The following SNRNP70 variants were observed in gnomAD, a reference collection of about 807,000 sequenced individuals.
SNRNP70 encodes the protein small nuclear ribonucleoprotein U1 subunit 70, also known as U1 small nuclear ribonucleoprotein 70 kDa.
A neutral mutation model predicts 50.5 loss-of-function variants in SNRNP70; 8 were observed. That is an observed-to-expected ratio of 0.16 (90% CI 0.09 to 0.29). The LOEUF is 0.29. Ranked by LOEUF, SNRNP70 falls within the 10% of genes least tolerant of loss-of-function variation. SNRNP70 has a pLI of 1.00. For missense variants in SNRNP70, 529 were observed against 663.5 expected, an observed-to-expected ratio of 0.80 and a Z score of 2.23; for synonymous variants, 320 against 252.9, an observed-to-expected ratio of 1.27 and a Z score of -2.52.
chr19:49,101,586 C>T (rs2040587171), intron 7 of SNRNP70, 115 bp downstream of exon 7: 1 of 708,486 alleles, frequency 1.4e-6, no homozygotes, highest in African/African-American at 1.8e-5. Flanking sequence ...AGCGATGTCT[C>T]TTCTCCTCCT....
chr19:49,098,658 A>C lies in SNRNP70; in HGVS notation c.347A>C (p.Glu116Ala). The C allele has an allele frequency of 6.2e-7, 1 of 1,614,080 alleles. No individual in the cohort carries two copies. The highest frequency in any genetic ancestry group is 8.5e-7 in the Non-Finnish European group (1 of 1,179,942). Residue 116 changes from glutamate to alanine, a missense_variant, in exon 6 of 10, where the codon GAA (glutamate) becomes GCA (alanine). Physicochemically the swap from Glu to Ala is moderately radical, Grantham distance 107. Coordinates refer to ENST00000598441, the MANE Select transcript of SNRNP70 (RefSeq NM_003089.6). ...FVARVNYDTT[E>A]SKLRREFEVY... ...TCCTTGTAGAATTATGACACAACAG[A>C]ATCCAAGCTCCGGAGAGAGTTTGAG...
At position 49,098,091 on chromosome 19, in the gene SNRNP70, C is replaced by A. The variant is rs188761397; in HGVS notation, c.266-336C>A. Among the ~76,000 whole-genome samples, 8 of 152,328 alleles carry A rather than the reference C, an allele frequency of 5.3e-5. No individual in the cohort carries two copies. The East Asian group carries it at 1.5e-3, about 29-fold the overall frequency. On this transcript the variant is annotated intron_variant, in intron 4 of 9. Transcript: ENST00000598441. The stretch of plus-strand genomic sequence containing the variant: ...CCAGTTGGGCTATTACTGTTTGGAT[C>A]ACCTTGCATCTGGGAGCGATAGGGC...
intron 2 of SNRNP70, 43 bp downstream of exon 2, chr19:49,086,604 A>G: frequency 6.3e-7 from 1 of 1,594,740 alleles, no homozygotes. Context: ...GGTTCTGGGG[A>G]GCAACGGGTT....
Position 49,103,321 on chromosome 19 carries a change from G to A in SNRNP70, c.476-1313G>A, listed in dbSNP as rs114921285. The A allele has an allele frequency of 2.9e-3, 443 of 152,574 alleles. 1 individual carries two copies. Among genetic ancestry groups the A allele is most frequent in the African/African-American group, 9.9e-3 (411 of 41,454 alleles). The allele number at this position is 152,574 out of a possible 1,614,324, so 9.5% of individuals were successfully genotyped here. On this transcript the variant is annotated intron_variant, in intron 7 of 9. Coordinates refer to ENST00000598441, the MANE Select transcript of SNRNP70 (RefSeq NM_003089.6). ...TTGAGATTTCTTTGGGGTCTACCAC[G>A]TCCTCTGCCTGTCTCCAGGTGGTAC... is the stretch of plus-strand genomic sequence containing the variant.
At chr19:49,089,942 C>T (rs1276834170) in intron 2 of SNRNP70, among the ~76,000 whole-genome samples, 7 of 151,972 alleles carry the variant, frequency 4.6e-5, no homozygotes, top group East Asian at 1.9e-4. Context: ...GGATTACAGG[C>T]GTGTGCACTG....
chr19:49,091,248 A>T (rs1259585293), intron 4 of SNRNP70, among the ~76,000 whole-genome samples: 1 of 151,918 alleles, frequency 6.6e-6, no homozygotes, highest in Non-Finnish European at 1.5e-5. Flanking sequence ...GAGCGTCTGT[A>T]ATCCCAGCTA....
At chr19:49,096,753 A>G (rs549400816) in intron 4 of SNRNP70, among the ~76,000 whole-genome samples, 2 of 151,806 alleles carry the variant, frequency 1.3e-5, no homozygotes, top group South Asian at 2.1e-4. Context: ...TTGGGCAACA[A>G]GAGTGACACT....
At chr19:49,094,838 TAAAG>T (rs2040492772) in intron 4 of SNRNP70, among the ~76,000 whole-genome samples, 1 of 152,180 alleles carries the variant, frequency 6.6e-6, no homozygotes, top group South Asian at 2.1e-4. Context: ...ATTTTTAAGA[TAAAG>T]AAATGGAGGC....
In SNRNP70 at chr19:49,107,597, C is replaced by T; in HGVS notation, c.578-28C>T. 1 of 1,607,774 alleles carries T rather than the reference C, an allele frequency of 6.2e-7. No homozygotes were observed. Among genetic ancestry groups the T allele is most frequent in the Non-Finnish European group, 8.5e-7 (1 of 1,174,274 alleles). ...TCCGGGCCCTGTCCCTGCCCAGATT[C>T]ACCCTCTGTCCGTCTGCCCTGCCCC... On this transcript the variant is annotated intron_variant, in intron 8 of 9. Coordinates refer to ENST00000598441, the MANE Select transcript of SNRNP70 (RefSeq NM_003089.6). This position sits in a 1 kb window ranked among gnomAD's most constrained non-coding sequence, Gnocchi z 6.0.
chr19:49,108,187 A>T lies in SNRNP70; in HGVS notation c.1058A>T (p.Glu353Val), dbSNP rs2122420662. The T allele has an allele frequency of 1.3e-6, 2 of 1,535,334 alleles. No individual in the cohort carries two copies. The highest frequency in any genetic ancestry group is 8.8e-7 in the Non-Finnish European group (1 of 1,140,074). The change falls in exon 10 of 10, where the codon GAG (glutamate) becomes GTG (valine). Residue 353 changes from glutamate to valine, a missense_variant. By Grantham distance (121) the Glu-to-Val change is moderately radical. Coordinates refer to ENST00000598441, the MANE Select transcript of SNRNP70 (RefSeq NM_003089.6). Reference protein sequence around the residue: ...PEEKGRDRDRERRRSHRSERE... With the variant: ...PEEKGRDRDRVRRRSHRSERE... ...GAAAAGGGCCGGGATCGTGACCGGG[A>T]GCGACGGCGGAGCCACCGGAGCGAG... is the stretch of plus-strand genomic sequence containing the variant.
At chr19:49,086,006 A>G (rs563096828) in intron 1 of SNRNP70, among the ~76,000 whole-genome samples, 1 of 151,768 alleles carries the variant, frequency 6.6e-6, no homozygotes, top group South Asian at 2.1e-4. Flanking sequence ...GAAACTTCCG[A>G]TCCCCAGGAC....
At chr19:49,100,806 CAAAAAA>C (rs61621289) in intron 6 of SNRNP70, among the ~76,000 whole-genome samples, 2 of 112,390 alleles carry the variant, frequency 1.8e-5, no homozygotes, top group Non-Finnish European at 3.6e-5. Flanking sequence ...ACTCTGTCTC[CAAAAAA>C]AAAAAAAAAA....
chr19:49,092,969 G>A (rs192753109), intron 4 of SNRNP70, among the ~76,000 whole-genome samples: 2 of 149,652 alleles, frequency 1.3e-5, no homozygotes, highest in African/African-American at 4.9e-5. Context: ...AGGCTTTACT[G>A]CCGTGGTGCA....
intron 2 of SNRNP70, among the ~76,000 whole-genome samples, chr19:49,089,522 G>A (rs2040422424): frequency 1.3e-5 from 2 of 151,966 alleles, no homozygotes; most frequent in Admixed American, 1.3e-4. Context: ...TTTGTATTAA[G>A]AGTCAGTGGA....
rs113044321 is a variant in SNRNP70, at chr19:49,092,937, A to G, written c.265+2417A>G. ...GTTGTGTTTTGTTTTGTTCTTAGGGACAGGGTCGTGCTGTGTTGCCCAGGC... is the reference window on the plus strand; with the variant it reads ...GTTGTGTTTTGTTTTGTTCTTAGGGGCAGGGTCGTGCTGTGTTGCCCAGGC... On this transcript the variant is annotated intron_variant, in intron 4 of 9. Coordinates refer to ENST00000598441, the MANE Select transcript of SNRNP70 (RefSeq NM_003089.6). Among the ~76,000 whole-genome samples, 195 of 136,074 alleles carry G rather than the reference A, an allele frequency of 1.4e-3. 4 individuals carry two copies. Among genetic ancestry groups the G allele is most frequent in the African/African-American group, 4.6e-3 (180 of 39,278 alleles). The allele number at this position is 136,074 out of a possible 152,430, so 89.3% of individuals were successfully genotyped here.
chr19:49,088,576 A>C (rs1169339544), intron 2 of SNRNP70, among the ~76,000 whole-genome samples: 3 of 144,720 alleles, frequency 2.1e-5, no homozygotes, highest in Non-Finnish European at 3.0e-5. Context: ...GGCTCACTGC[A>C]ACTTCCACCT....
chr19:49,095,660 C>G (rs561803877), intron 4 of SNRNP70, among the ~76,000 whole-genome samples: 3 of 151,386 alleles, frequency 2.0e-5, no homozygotes, highest in African/African-American at 7.3e-5. Context: ...GTCTTAGTCT[C>G]CTGAGTAGCT....
chr19:49,088,139 C>T (rs899082948), intron 2 of SNRNP70, among the ~76,000 whole-genome samples: 1 of 151,460 alleles, frequency 6.6e-6, no homozygotes, highest in African/African-American at 2.4e-5. Context: ...GATCCACCCC[C>T]CTTGGCCTCC....
intron 2 of SNRNP70, among the ~76,000 whole-genome samples, chr19:49,089,754 C>G (rs533268120): frequency 9.4e-5 from 14 of 148,612 alleles, no homozygotes; most frequent in Non-Finnish European, 1.8e-4. Context: ...CCTCCGCCTC[C>G]TGGGTTCATG....
Sources: gnomAD v4.1 joint callset for allele counts (sites outside exome capture counted in the v4.1 genomes callset) on GRCh38, gnomAD v4.1.1 for gene constraint, Gnocchi (gnomAD v3.1) non-coding constraint, MANE v1.5 for transcripts, NCBI Gene and HGNC (gene_info 2026-07-23, HGNC 2026-07-21) for gene names.